Variants in ANK2 observed in about 807,000 individuals in gnomAD.
ANK2 encodes ankyrin-2.
A neutral mutation model predicts 360.5 loss-of-function variants in ANK2; 83 were observed. That is an observed-to-expected ratio of 0.23 (90% CI 0.19 to 0.28). ANK2 has a LOEUF of 0.28. Among genes scored for constraint, ANK2 ranks in the 10% least tolerant of loss-of-function variants. The pLI is 1.00. For synonymous variants in ANK2, 1,740 were observed against 1,759.5 expected (o/e 0.99, Z 0.28); for missense variants, 4,201 against 4,795.7 (o/e 0.88, Z 3.66).
At chr4:113,183,291 AG>A (rs1213202538) in intron 2 of ANK2, among the ~76,000 whole-genome samples, 16 of 152,250 alleles carry the variant, frequency 1.1e-4, no homozygotes, top group Admixed American at 4.6e-4. Context: ...ATAGCAGTTG[AG>A]GGTAAGACAG....
Position 113,212,104 on chromosome 4 carries a change from T to C in ANK2, c.384+12995T>C, listed in dbSNP as rs557232893. Among the ~76,000 whole-genome samples, 26 of 152,354 alleles carry C rather than the reference T, an allele frequency of 1.7e-4. No individual in the cohort carries two copies. In the South Asian group the frequency reaches 3.5e-3, roughly 21 times the overall value. ...GATGTCAGGCATTGCTTTCTTCATTTTATACAGAGGAAACTGAGAGTTTAG... is the reference window on the plus strand; with the variant it reads ...GATGTCAGGCATTGCTTTCTTCATTCTATACAGAGGAAACTGAGAGTTTAG... On this transcript the variant is annotated intron_variant, in intron 4 of 45. Transcript: ENST00000357077.
intron 1 of ANK2, among the ~76,000 whole-genome samples, chr4:113,093,927 A>G (rs1178336878): frequency 6.6e-6 from 1 of 152,204 alleles, no homozygotes; most frequent in African/African-American, 2.4e-5. Context: ...TTGAGTTAGG[A>G]GCTCATTGTA....
At chr4:112,886,959 T>G (rs981704281) in intron 1 of ANK2, among the ~76,000 whole-genome samples, 1 of 152,160 alleles carries the variant, frequency 6.6e-6, no homozygotes, top group Admixed American at 6.5e-5. Context: ...AAACCTGTAA[T>G]GCGTTCTCCC....
At chr4:113,237,454 G>C in intron 6 of ANK2, 145 bp from the exon 7 acceptor site, 1 of 856,736 alleles carries the variant, frequency 1.2e-6, no homozygotes, top group South Asian at 1.4e-5. Flanking sequence ...ATTGTATTGT[G>C]TGGTGCTTGG....
intron 4 of ANK2, among the ~76,000 whole-genome samples, chr4:113,212,078 A>C (rs1285498961): frequency 6.6e-6 from 1 of 152,248 alleles, no homozygotes; most frequent in Non-Finnish European, 1.5e-5. Flanking sequence ...TAATTTGCAT[A>C]GATGTCAGGC....
At chr4:113,374,741 A>G (rs1013502108) in intron 45 of ANK2, 1 of 1,046,878 alleles carries the variant, frequency 9.6e-7, no homozygotes, top group Middle Eastern at 2.6e-4. Context: ...GACATTGTCT[A>G]TTGTGTGTCC....
chr4:113,236,014 A>G (rs1440146923), intron 5 of ANK2, among the ~76,000 whole-genome samples: 1 of 152,104 alleles, frequency 6.6e-6, no homozygotes, highest in East Asian at 1.9e-4. Flanking sequence ...CTGGGATTAC[A>G]GGTGTGAGCC....
At chr4:113,073,806 C>T (rs552818702) in intron 1 of ANK2, among the ~76,000 whole-genome samples, 43 of 152,272 alleles carry the variant, frequency 2.8e-4, no homozygotes, top group South Asian at 2.7e-3. Context: ...GTGCCCAGGC[C>T]GCCTCTACGC....
chr4:113,246,765 T>C (rs146335717), intron 9 of ANK2, among the ~76,000 whole-genome samples: 46 of 152,322 alleles, frequency 3.0e-4, no homozygotes, highest in African/African-American at 1.1e-3. Flanking sequence ...TCAATTGTCA[T>C]ATGCATATGT....
intron 24 of ANK2, chr4:113,313,731 T>G (rs1428788220): frequency 6.8e-6 from 1 of 146,382 alleles, no homozygotes; most frequent in Non-Finnish European, 1.5e-5. Flanking sequence ...AAGCCCTTCC[T>G]AGATTTATCC....
the ANK2 span, among the ~76,000 whole-genome samples, chr4:112,754,325 G>A: frequency 5.3e-5 from 8 of 150,962 alleles, no homozygotes; most frequent in African/African-American, 1.9e-4. Flanking sequence ...CCCTTTCTGG[G>A]CCCCGGTTTC....
rs561567695 is a variant in ANK2 at position 113,137,913 on chromosome 4, C to T, written c.85-36503C>T. Among the ~76,000 whole-genome samples the T allele has an allele frequency of 3.3e-5, 5 of 152,230 alleles. No individual in the cohort carries two copies. The South Asian group carries it at 6.2e-4, about 19-fold the overall frequency. On this transcript the variant is annotated intron_variant, in intron 1 of 45. Transcript: ENST00000357077. ...CATAAGACCACATTAACATAATTTTCGAAGAATGAAATAACAGCATTGACT... is the reference window on the plus strand; with the variant it reads ...CATAAGACCACATTAACATAATTTTTGAAGAATGAAATAACAGCATTGACT...
chr4:112,876,949 G>C (rs375682616), intron 1 of ANK2, among the ~76,000 whole-genome samples: 1 of 152,002 alleles, frequency 6.6e-6, no homozygotes, highest in African/African-American at 2.4e-5. Context: ...ACATGGAACT[G>C]CTTTCTCAAC....
chr4:113,287,911 G>A (rs2065518714), intron 19 of ANK2, among the ~76,000 whole-genome samples: 1 of 152,166 alleles, frequency 6.6e-6, no homozygotes, highest in Admixed American at 6.5e-5. Context: ...ATGAGGTCAG[G>A]ACCCTTTGCA....
intron 2 of ANK2, among the ~76,000 whole-genome samples, chr4:112,921,378 AGT>A (rs1491573582): frequency 3.1e-5 from 4 of 129,628 alleles, no homozygotes; most frequent in African/African-American, 1.3e-4. Flanking sequence ...GGTTTCTTTA[AGT>A]TTTTTTTTTT....
chr4:113,120,583 ATATTTATTT>A (rs1165333849), intron 1 of ANK2, among the ~76,000 whole-genome samples: 2 of 152,088 alleles, frequency 1.3e-5, no homozygotes, highest in Non-Finnish European at 2.9e-5. Context: ...AGTAAAACAT[ATATTTATTT>A]TATTTATTTT....
intron 2 of ANK2, among the ~76,000 whole-genome samples, chr4:113,000,623 A>G: frequency 6.6e-6 from 1 of 152,204 alleles, no homozygotes; most frequent in East Asian, 1.9e-4. Flanking sequence ...AATGATATGA[A>G]AAAAATTATG....
At chr4:113,362,494 G>A (rs1163567235) in intron 39 of ANK2, among the ~76,000 whole-genome samples, 1 of 152,120 alleles carries the variant, frequency 6.6e-6, no homozygotes, top group East Asian at 1.9e-4. Context: ...GCCTAGGCCA[G>A]AGTGTAGTGG....
chr4:112,822,480 C>T (rs917656146), intron 1 of ANK2, among the ~76,000 whole-genome samples: 12 of 150,788 alleles, frequency 8.0e-5, no homozygotes, highest in Non-Finnish European at 1.6e-4. Context: ...CATAGTAGCT[C>T]ATGCCTGTAA....
Sources: allele counts gnomAD v4.1 joint callset (sites outside exome capture counted in the v4.1 genomes callset), GRCh38; gene constraint gnomAD v4.1.1; transcripts MANE v1.5; gene names NCBI Gene and HGNC (gene_info 2026-07-23, HGNC 2026-07-21).